DRP2: variants seen among roughly 807,000 people sequenced by gnomAD.
DRP2 encodes dystrophin related protein 2.
DRP2 carries 29 observed loss-of-function variants against 78.2 expected under a neutral mutation model. That is an observed-to-expected ratio of 0.37 (90% confidence interval 0.28 to 0.51). The LOEUF (loss-of-function observed/expected upper bound fraction) is 0.51, where lower values mean the gene tolerates loss of function less well. Ranked by LOEUF, DRP2 falls within the 20% of genes least tolerant of loss-of-function variation. The pLI, the probability that DRP2 is intolerant of heterozygous loss-of-function variation, is 0.94. For synonymous variants in DRP2, 290 were observed against 281.9 expected, an observed-to-expected ratio of 1.03 and a Z score of -0.29; for missense variants, 686 against 770.6, an observed-to-expected ratio of 0.89 and a Z score of 1.30.
At chrX:101,240,932 AT>A (rs1331347775) in intron 6 of DRP2, among the ~76,000 whole-genome samples, 1 of 111,730 alleles carries the variant, frequency 9.0e-6, no homozygotes, top group East Asian at 2.8e-4. Context: ...AAATCTACAG[AT>A]TAGGAGCCTA....
At chrX:101,241,994 A>G (rs1355297814) in intron 7 of DRP2, 58 bp downstream of exon 7, 4 of 1,108,055 alleles carry the variant, frequency 3.6e-6, no homozygotes, top group Non-Finnish European at 4.8e-6. Flanking sequence ...CTCTCCCCAG[A>G]CACTGACAAT....
intron 11 of DRP2, among the ~76,000 whole-genome samples, chrX:101,246,158 C>T (rs990388949): frequency 4.5e-5 from 5 of 112,323 alleles, no homozygotes; most frequent in African/African-American, 9.7e-5. Context: ...AGTGCCTCAT[C>T]GTTTCTCCAA....
rs749316443 is a variant in DRP2 at position 101,252,628 on chromosome X, A to G, written c.1889A>G (p.Asn630Ser). 7 of 1,211,753 alleles carry G rather than the reference A, an allele frequency of 5.8e-6. No homozygotes were observed. In the East Asian group the frequency reaches 1.8e-4, roughly 31 times the overall value. The change falls in exon 17 of 24, where the codon AAC becomes AGC. Residue 630 changes from asparagine (N) to serine (S), a missense_variant. By Grantham distance (46) the Asn-to-Ser change is conservative. Around this residue, in one of 2 missense-constraint regions of DRP2, gnomAD observed 423 missense variants for 531.5 expected, o/e 0.80. Coordinates refer to ENST00000395209, the MANE Select transcript of DRP2 (RefSeq NM_001939.3). ...AGGTACCGGAGTCTGAAGCAATTCA[A>G]CGTTGACATCTGCCAGACCTGCTTC... The part of the protein sequence containing the change: ...GFRYRSLKQF[N>S]VDICQTCFLT...
intron 19 of DRP2, 116 bp downstream of exon 19, chrX:101,255,040 T>A (rs1923288269): frequency 1.0e-5 from 11 of 1,062,151 alleles, no homozygotes; most frequent in Admixed American, 4.5e-5. Context: ...CACAGTGGGG[T>A]GTGCAGCAGC....
intron 14 of DRP2, among the ~76,000 whole-genome samples, chrX:101,249,909 T>C (rs1923069546): frequency 8.9e-6 from 1 of 111,878 alleles, no homozygotes. Flanking sequence ...AATTAGCTTC[T>C]CTTTTTGGAT....
At chrX:101,237,338 G>C (rs769031657) in intron 4 of DRP2, among the ~76,000 whole-genome samples, 6 of 111,534 alleles carry the variant, frequency 5.4e-5, no homozygotes, top group African/African-American at 2.0e-4. Context: ...TGAAGTAACT[G>C]AGATCCACAA....
intron 6 of DRP2, among the ~76,000 whole-genome samples, chrX:101,239,431 T>G: frequency 8.9e-6 from 1 of 111,975 alleles, no homozygotes. Context: ...TGAATAAAAG[T>G]ACCAGTATGT....
intron 22 of DRP2, 81 bp downstream of exon 22, chrX:101,258,627 A>G: frequency 1.1e-6 from 1 of 893,969 alleles, no homozygotes; most frequent in South Asian, 2.4e-5. Flanking sequence ...TGTGGCAAAG[A>G]AGACACAAGA....
intron 9 of DRP2, among the ~76,000 whole-genome samples, chrX:101,243,366 C>A (rs1197815654): frequency 1.0e-5 from 1 of 95,499 alleles, no homozygotes; most frequent in African/African-American, 4.0e-5. Context: ...GTGGAGGTTG[C>A]AGCCTGGGCG....
Position 101,239,021 on chromosome X carries a change from A to G in DRP2, c.479A>G (p.Tyr160Cys). 2.5e-6 allele frequency: 3 copies of G among 1,211,410 alleles called. No individual in the cohort carries two copies. The highest frequency in any genetic ancestry group is 2.3e-4 in the Middle Eastern group (1 of 4,339). The change falls in exon 6 of 24, where the codon TAT becomes TGT. Residue 160 changes from tyrosine (Y) to cysteine (C), a missense_variant. This residue lies in a region of DRP2 where 263 missense variants were observed against 239.1 expected (regional missense o/e 1.10). Coordinates refer to ENST00000395209, the MANE Select transcript of DRP2 (RefSeq NM_001939.3). ...EEVKSRGPYI[Y>C]SVLESAQAFL... is the part of the protein sequence containing the mutation. ...GTCAAGTCTCGGGGCCCCTACATCT[A>G]TTCTGTGCTGGAGTCAGCTCAGGCC...
At chrX:101,235,284 C>T (rs1922454781) in intron 3 of DRP2, among the ~76,000 whole-genome samples, 1 of 112,376 alleles carries the variant, frequency 8.9e-6, no homozygotes, top group African/African-American at 3.2e-5. Context: ...TGTGTCCAGG[C>T]TTCCTGACTG....
rs757248687 is a variant in DRP2, at chrX:101,245,043, G to A, written c.1081G>A (p.Ala361Thr). 8.3e-7 allele frequency: 1 copy of A among 1,210,317 alleles called. No individual in the cohort carries two copies. The highest frequency in any genetic ancestry group is 1.1e-6 in the Non-Finnish European group (1 of 894,776). Reference protein sequence around the residue: ...SSSVQVPWERAISPNKVPYYI... With the variant: ...SSSVQVPWERTISPNKVPYYI... Reference sequence around the variant, plus strand: ...CTCTGTCCAGGTTCCCTGGGAAAGAGCAATTTCACCCAATAAAGTTCCCTA... The same window carrying A: ...CTCTGTCCAGGTTCCCTGGGAAAGAACAATTTCACCCAATAAAGTTCCCTA... Residue 361 changes from alanine to threonine, a missense_variant, in exon 10 of 24, where the codon GCA becomes ACA. Ala to Thr is a moderately conservative substitution (Grantham distance 58). Transcript: ENST00000395209.
intron 4 of DRP2, among the ~76,000 whole-genome samples, chrX:101,237,191 G>A (rs1174170226): frequency 8.9e-6 from 1 of 112,142 alleles, no homozygotes; most frequent in East Asian, 2.8e-4. Context: ...TCAGAGGGCA[G>A]TTCGGAACAG....
At position 101,247,863 on chromosome X, in the gene DRP2, G is replaced by C. The variant is rs200031561; in HGVS notation, c.1253-226G>C. On this transcript the variant is annotated intron_variant, in intron 12 of 23. Coordinates refer to ENST00000395209, the MANE Select transcript of DRP2 (RefSeq NM_001939.3). ...TCATCTTTTTGAAACTGATGTCAAA[G>C]AACATTGGATATAAAAACATGTTGG... Among the ~76,000 whole-genome samples the C allele has an allele frequency of 7.1e-5, 8 of 112,407 alleles. No homozygotes were observed. The East Asian group carries it at 2.2e-3, about 31-fold the overall frequency.
At chrX:101,258,215 G>A (rs1306948085) in intron 21 of DRP2, 94 bp from the exon 22 acceptor site, 3 of 757,863 alleles carry the variant, frequency 4.0e-6, no homozygotes, top group Non-Finnish European at 5.8e-6. Flanking sequence ...AAGAGCACAG[G>A]GATTGTTCAC....
intron 20 of DRP2, 100 bp downstream of exon 20, chrX:101,255,349 G>C: frequency 1.1e-6 from 1 of 886,262 alleles, no homozygotes; most frequent in South Asian, 2.2e-5. Flanking sequence ...GGGGGTGTGT[G>C]GTGGTTAGGA....
At chrX:101,232,600 G>A (rs977367185) in intron 3 of DRP2, among the ~76,000 whole-genome samples, 1 of 111,350 alleles carries the variant, frequency 9.0e-6, no homozygotes, top group African/African-American at 3.3e-5. Context: ...GTGGATGCTG[G>A]GGAGCCTGTT....
chrX:101,223,990 T>C (rs955867464), intron 1 of DRP2, among the ~76,000 whole-genome samples: 1 of 109,676 alleles, frequency 9.1e-6, no homozygotes, highest in African/African-American at 3.3e-5. Context: ...ACTGCCATGC[T>C]GTCAGGTAGA....
At chrX:101,258,646 C>T in intron 22 of DRP2, 100 bp downstream of exon 22, 1 of 761,337 alleles carries the variant, frequency 1.3e-6, no homozygotes. Context: ...GAGAGAGCTC[C>T]TTGGCAGTGG....
Sources: allele counts gnomAD v4.1 joint callset (sites outside exome capture counted in the v4.1 genomes callset), GRCh38; gene constraint gnomAD v4.1.1; regional missense constraint gnomAD v4.1.1; transcripts MANE v1.5; gene names NCBI Gene and HGNC (gene_info 2026-07-23, HGNC 2026-07-21).